Variants in SPR observed in about 807,000 individuals in gnomAD.
SPR encodes the protein sepiapterin reductase.
A neutral mutation model predicts 16.0 loss-of-function variants in SPR; 12 were observed. The ratio of observed to expected loss-of-function variants is 0.75; its 90% confidence interval spans 0.48 to 1.22. The LOEUF (loss-of-function observed/expected upper bound fraction) is 1.22. Among genes scored for constraint, SPR ranks in the 50% most tolerant of loss-of-function variants. The pLI is 0.00. For synonymous variants in SPR, 177 were observed against 168.5 expected (o/e 1.05, Z -0.39); for missense variants, 324 against 344.4 (o/e 0.94, Z 0.47).
Position 72,887,472 on chromosome 2 carries a change from G to A in SPR, c.40G>A (p.Gly14Arg). ...GGGGCGTGCTGTGTGCTTGCTGACC[G>A]GGGCCTCCCGCGGCTTCGGCCGGAC... is the stretch of plus-strand genomic sequence containing the variant. ...GLGRAVCLLT[G>R]ASRGFGRTLA... Residue 14 changes from glycine (G) to arginine (R), a missense_variant, in exon 1 of 3, where the codon GGG (glycine) becomes AGG (arginine). By Grantham distance (125) the Gly-to-Arg change is moderately radical. Transcript: ENST00000234454. The A allele has an allele frequency of 6.6e-7, 1 of 1,507,398 alleles. No individual in the cohort carries two copies. Among genetic ancestry groups the A allele is most frequent in the Admixed American group, 2.1e-5 (1 of 47,128 alleles). The allele number at this position is 1,507,398 out of a possible 1,614,324, so 93.4% of individuals were successfully genotyped here.
rs886056288 is a variant in SPR, at chr2:72,891,845, C to T, written c.*308C>T. ...AAGAACAGGAAAAGAAGCTGGAACA[C>T]AGAAGAGAGGAGGTTGTGTCTCTTG... On this transcript the variant is annotated 3_prime_UTR_variant, in exon 3 of 3. Transcript: ENST00000234454. 4.2e-5 allele frequency: 18 copies of T among 429,996 alleles called. No individual in the cohort carries two copies. The highest frequency in any genetic ancestry group is 1.4e-3 in the Middle Eastern group (2 of 1,450). 26.6% of individuals were successfully genotyped at this position (429,996 alleles called of 1,614,324 possible).
At chr2:72,888,182 C>G in intron 1 of SPR, 132 bp from the exon 2 acceptor site, 1 of 917,330 alleles carries the variant, frequency 1.1e-6, no homozygotes, top group Non-Finnish European at 1.8e-6. Flanking sequence ...AAGAGAGAAG[C>G]CTCTTCAGAA....
chr2:72,888,420 C>A lies in SPR; in HGVS notation c.411C>A (p.Ser137Arg). The part of the protein sequence containing the change: ...NLTSMLCLTS[S>R]VLKAFPDSPG... ...CCTCCATGCTCTGCCTGACTTCCAG[C>A]GTCCTGAAGGCCTTCCCGGACAGTC... Residue 137 changes from serine (S) to arginine (R), a missense_variant, in exon 2 of 3, where the codon AGC (serine) becomes AGA (arginine). Transcript: ENST00000234454. The A allele has an allele frequency of 6.2e-7, 1 of 1,614,024 alleles. No homozygotes were observed.
At position 72,888,590 on chromosome 2, in the gene SPR, T is replaced by C; in HGVS notation, c.581T>C (p.Leu194Pro). ...CTGGAGGAACCTAATGTGAGGGTGC[T>C]GAACTATGCCCCAGGTAGGTGGGAA... ...LALEEPNVRVLNYAPGPLDTD... is the reference protein window; with the variant it reads ...LALEEPNVRVPNYAPGPLDTD... Residue 194 changes from leucine (L) to proline (P), a missense_variant, in exon 2 of 3, where the codon CTG becomes CCG. Transcript: ENST00000234454. 6.3e-7 allele frequency: 1 copy of C among 1,595,514 alleles called. No homozygotes were observed. The highest frequency in any genetic ancestry group is 8.5e-7 in the Non-Finnish European group (1 of 1,169,590).
intron 2 of SPR, 53 bp from the exon 3 acceptor site, chr2:72,891,294 C>A: frequency 6.2e-7 from 1 of 1,600,568 alleles, no homozygotes; most frequent in Non-Finnish European, 8.6e-7. Flanking sequence ...GACCTGAAAC[C>A]TTCTGTCCCT....
chr2:72,890,621 G>T (rs768192035), intron 2 of SPR, among the ~76,000 whole-genome samples: 4 of 152,062 alleles, frequency 2.6e-5, no homozygotes, highest in Non-Finnish European at 5.9e-5. Flanking sequence ...GATTACAGGC[G>T]TGAGCCACTG....
chr2:72,891,159 A>G (rs1228470906), intron 2 of SPR, among the ~76,000 whole-genome samples, 188 bp from the exon 3 acceptor site: 2 of 152,092 alleles, frequency 1.3e-5, no homozygotes, highest in African/African-American at 4.8e-5. Flanking sequence ...GGGCTTTTGA[A>G]TTTCAGTCCA....
At chr2:72,890,858 G>A (rs1193427623) in intron 2 of SPR, among the ~76,000 whole-genome samples, 3 of 152,168 alleles carry the variant, frequency 2.0e-5, no homozygotes, top group Admixed American at 2.0e-4. Context: ...CCCCAGTGAT[G>A]TTTTAGTAGA....
chr2:72,891,615 T>C lies in SPR; in HGVS notation c.*78T>C. The C allele has an allele frequency of 6.6e-7, 1 of 1,523,322 alleles. No homozygotes were observed. The allele number at this position is 1,523,322 out of a possible 1,614,324, so 94.4% of individuals were successfully genotyped here. ...CAGAGCCCTGTGGCTCCCCACACCC[T>C]GCCATAGGGGCAGTCCTGCCTTACA... On this transcript the variant is annotated 3_prime_UTR_variant, in exon 3 of 3. Transcript: ENST00000234454.
chr2:72,891,386 C>A lies in SPR; in HGVS notation c.635C>A (p.Thr212Asn). The change falls in exon 3 of 3, where the codon ACC becomes AAC. Residue 212 changes from threonine to asparagine, a missense_variant. Thr to Asn is a moderately conservative substitution (Grantham distance 65). Transcript: ENST00000234454. ...DTDMQQLARETSVDPDMRKGL... is the reference protein window; with the variant it reads ...DTDMQQLARENSVDPDMRKGL... ...GACATGCAGCAGTTGGCCCGGGAGA[C>A]CTCCGTGGACCCAGACATGCGAAAA... 1 of 1,614,182 alleles carries A rather than the reference C, an allele frequency of 6.2e-7. No homozygotes were observed. Among genetic ancestry groups the A allele is most frequent in the African/African-American group, 1.3e-5 (1 of 75,040 alleles).
In SPR at chr2:72,887,809, T is replaced by C. The variant is rs1246153302; in HGVS notation, c.304+73T>C. 5 of 1,399,032 alleles carry C rather than the reference T, an allele frequency of 3.6e-6. No homozygotes were observed. The African/African-American group carries it at 4.5e-5, about 12-fold the overall frequency. 86.7% of individuals were successfully genotyped at this position (1,399,032 alleles called of 1,614,324 possible). On this transcript the variant is annotated intron_variant, in intron 1 of 2. Transcript: ENST00000234454. ...CTCCACCGCTGGGGAATTTAAGGGCTACTCCTAGGGGTCAGATAGGACGCC... is the reference window on the plus strand; with the variant it reads ...CTCCACCGCTGGGGAATTTAAGGGCCACTCCTAGGGGTCAGATAGGACGCC...
chr2:72,887,696 G>A lies in SPR; in HGVS notation c.264G>A (p.Arg88=), dbSNP rs952072061. The change falls in exon 1 of 3, where the codon CGG becomes CGA. Residue 88 remains arginine, a synonymous_variant. Transcript: ENST00000234454. Reference sequence around the variant, plus strand: ...TCGGCGCCCTGCGCGAGCTCCCCCGGCCCAAGGGGCTGCAGCGACTGCTGC... The same window carrying A: ...TCGGCGCCCTGCGCGAGCTCCCCCGACCCAAGGGGCTGCAGCGACTGCTGC... The part of the protein sequence containing the change: ...QLLGALRELP[R]PKGLQRLLLI... 5.2e-5 allele frequency: 78 copies of A among 1,507,458 alleles called. No homozygotes were observed. The highest frequency in any genetic ancestry group is 6.2e-5 in the Non-Finnish European group (70 of 1,134,772). 93.4% of individuals were successfully genotyped at this position (1,507,458 alleles called of 1,614,324 possible).
intron 2 of SPR, among the ~76,000 whole-genome samples, chr2:72,890,913 A>G (rs2105242942): frequency 6.6e-6 from 1 of 152,222 alleles, no homozygotes; most frequent in African/African-American, 2.4e-5. Context: ...GCAGGGAGAG[A>G]AGCAAGGTTG....
chr2:72,888,875 G>T (rs528477267), intron 2 of SPR, among the ~76,000 whole-genome samples: 3 of 152,312 alleles, frequency 2.0e-5, no homozygotes, highest in African/African-American at 7.2e-5. Context: ...GAAGACTGGG[G>T]TTTGAGTTCC....
rs181063478 is a variant in SPR at position 72,891,401 on chromosome 2, A to G, written c.650A>G (p.Asp217Gly). 14 of 1,614,218 alleles carry G rather than the reference A, an allele frequency of 8.7e-6. No homozygotes were observed. The African/African-American group carries it at 1.3e-4, about 15-fold the overall frequency. The change falls in exon 3 of 3, where the codon GAC becomes GGC. Residue 217 changes from aspartate to glycine, a missense_variant. Physicochemically the swap from Asp to Gly is moderately conservative, Grantham distance 94. Transcript: ENST00000234454. ...GCCCGGGAGACCTCCGTGGACCCAG[A>G]CATGCGAAAAGGGCTGCAGGAGCTG... Reference protein sequence around the residue: ...QLARETSVDPDMRKGLQELKA... With the variant: ...QLARETSVDPGMRKGLQELKA...
At chr2:72,888,668 C>A (rs1670578960) in intron 2 of SPR, 64 bp downstream of exon 2, 2 of 1,512,064 alleles carry the variant, frequency 1.3e-6, no homozygotes, top group Non-Finnish European at 1.8e-6. Context: ...GGGGGCTGGG[C>A]AAGCGGCCTA....
At chr2:72,889,793 G>A (rs1440382444) in intron 2 of SPR, among the ~76,000 whole-genome samples, 1 of 152,184 alleles carries the variant, frequency 6.6e-6, no homozygotes, top group Non-Finnish European at 1.5e-5. Flanking sequence ...CTGAACCAAG[G>A]CAGAGGCCAG....
Position 72,891,637 on chromosome 2 carries a change from T to C in SPR, c.*100T>C, listed in dbSNP as rs1573883964. ...CCCTGCCATAGGGGCAGTCCTGCCT[T>C]ACACATAGAAGCATTCATGCCTGCT... is the stretch of plus-strand genomic sequence containing the variant. On this transcript the variant is annotated 3_prime_UTR_variant, in exon 3 of 3. Coordinates refer to ENST00000234454, the MANE Select transcript of SPR (RefSeq NM_003124.5). The C allele has an allele frequency of 2.7e-5, 37 of 1,391,306 alleles. 2 individuals are homozygous for C. The Middle Eastern group carries it at 9.4e-4, about 36-fold the overall frequency. The allele number at this position is 1,391,306 out of a possible 1,614,324, so 86.2% of individuals were successfully genotyped here.
chr2:72,888,520 T>G lies in SPR; in HGVS notation c.511T>G (p.Cys171Gly), dbSNP rs781719985. 2 of 1,608,126 alleles carry G rather than the reference T, an allele frequency of 1.2e-6. No individual in the cohort carries two copies. The highest frequency in any genetic ancestry group is 1.7e-6 in the Non-Finnish European group (2 of 1,176,582). Residue 171 changes from cysteine to glycine, a missense_variant, in exon 2 of 3, where the codon TGT becomes GGT. Coordinates refer to ENST00000234454, the MANE Select transcript of SPR (RefSeq NM_003124.5). The stretch of plus-strand genomic sequence containing the variant: ...ACCTTTCAAAGGCTGGGCGCTGTAC[T>G]GTGCAGGAAAGGCTGCTCGTGATAT... ...LQPFKGWALY[C>G]AGKAARDMLF...
Sources: allele counts gnomAD v4.1 joint callset (sites outside exome capture counted in the v4.1 genomes callset), GRCh38; gene constraint gnomAD v4.1.1; transcripts MANE v1.5; gene names NCBI Gene and HGNC (gene_info 2026-07-23, HGNC 2026-07-21).